Variants in ISLR2 observed in about 807,000 individuals in gnomAD.
ISLR2 encodes immunoglobulin superfamily containing leucine rich repeat 2.
ISLR2 carries 16 observed loss-of-function variants against 25.5 expected under a neutral mutation model. That is an observed-to-expected ratio of 0.63 (90% CI 0.43 to 0.95). The LOEUF is 0.95. ISLR2 is among the 40% of genes least tolerant of loss of function. The pLI, the probability that ISLR2 is intolerant of heterozygous loss-of-function variation, is 0.00. For synonymous variants in ISLR2, 508 were observed against 486.6 expected (o/e 1.04, Z -0.58); for missense variants, 883 against 1,030.7 (o/e 0.86, Z 1.96).
intron 2 of ISLR2, among the ~76,000 whole-genome samples, chr15:74,119,336 A>G (rs1477507499): frequency 6.6e-6 from 1 of 152,090 alleles, no homozygotes; most frequent in Non-Finnish European, 1.5e-5. Flanking sequence ...TCAGCAGCCC[A>G]AGTAGCTGGG....
intron 1 of ISLR2, among the ~76,000 whole-genome samples, chr15:74,102,732 G>C (rs533791065): frequency 6.6e-6 from 1 of 152,022 alleles, no homozygotes; most frequent in South Asian, 2.1e-4. Flanking sequence ...ATATATGTGA[G>C]AATATGTATA....
At chr15:74,106,129 T>C (rs938486731) in intron 2 of ISLR2, among the ~76,000 whole-genome samples, 1 of 152,156 alleles carries the variant, frequency 6.6e-6, no homozygotes, top group Non-Finnish European at 1.5e-5. Context: ...AGTTTGAGGC[T>C]GCAGTGAGCT....
At chr15:74,117,584 G>C (rs2072220803) in intron 2 of ISLR2, among the ~76,000 whole-genome samples, 1 of 152,168 alleles carries the variant, frequency 6.6e-6, no homozygotes, top group South Asian at 2.1e-4. Flanking sequence ...TTGGGAGGCT[G>C]AGGTGGAAAG....
downstream of ISLR2, among the ~76,000 whole-genome samples, chr15:74,140,471 T>C (rs548359527): frequency 4.6e-5 from 7 of 152,182 alleles, no homozygotes; most frequent in South Asian, 2.1e-4. Flanking sequence ...AGACATTCCA[T>C]AGGGAAAAAG....
chr15:74,113,251 G>C (rs2072183807), intron 2 of ISLR2, among the ~76,000 whole-genome samples: 1 of 152,218 alleles, frequency 6.6e-6, no homozygotes, highest in Non-Finnish European at 1.5e-5. Context: ...GTTCCTACCA[G>C]GTCACCGACG....
chr15:74,121,287 T>G (rs2072250638), intron 2 of ISLR2, among the ~76,000 whole-genome samples: 2 of 152,068 alleles, frequency 1.3e-5, no homozygotes, highest in Non-Finnish European at 2.9e-5. Context: ...ATACATCAAG[T>G]TCCCAGCTGA....
At chr15:74,128,014 A>G (rs1315975834), upstream of ISLR2, 1 of 181,512 alleles carries the variant, frequency 5.5e-6, no homozygotes, top group East Asian at 1.9e-4. Flanking sequence ...ACTTCCACAC[A>G]CCTGATTAGT....
In ISLR2 at chr15:74,134,599, T is replaced by C. The variant is rs756568617; in HGVS notation, c.1845T>C (p.His615=). The change falls in exon 3 of 3, where the codon CAT becomes CAC. Residue 615 remains histidine, a synonymous_variant. Transcript: ENST00000453268. The part of the protein sequence containing the change: ...TVPLLGAACC[H]LLAKHPGKPY... ...CCCTTCTGGGCGCCGCCTGCTGCCA[T>C]CTGCTGGCTAAACACCCGGGCAAGC... 25 of 1,613,892 alleles carry C rather than the reference T, an allele frequency of 1.5e-5. No individual in the cohort carries two copies. Among genetic ancestry groups the C allele is most frequent in the Admixed American group, 1.2e-4 (7 of 60,006 alleles).
upstream of ISLR2, among the ~76,000 whole-genome samples, chr15:74,125,314 G>A (rs2141940319): frequency 6.6e-6 from 1 of 152,054 alleles, no homozygotes; most frequent in East Asian, 1.9e-4. Flanking sequence ...CATGGCTTAT[G>A]GCTGCCTCGA....
chr15:74,134,258 C>T lies in ISLR2; in HGVS notation c.1504C>T (p.Leu502=). Residue 502 remains leucine, a synonymous_variant, in exon 3 of 3, where the codon CTG becomes TTG. Transcript: ENST00000453268. ...DVAEREARVQ[L]TPLAARWGPG... ...GGCGGAGCGCGAGGCGCGGGTGCAG[C>T]TGACTCCGCTGGCTGCGCGCTGGGG... is the stretch of plus-strand genomic sequence containing the variant. The T allele has an allele frequency of 1.9e-6, 3 of 1,566,616 alleles. No homozygotes were observed. Among genetic ancestry groups the T allele is most frequent in the Non-Finnish European group, 2.6e-6 (3 of 1,155,794 alleles).
downstream of ISLR2, among the ~76,000 whole-genome samples, chr15:74,141,270 T>C (rs2072609442): frequency 6.6e-6 from 1 of 152,238 alleles, no homozygotes; most frequent in Non-Finnish European, 1.5e-5. Flanking sequence ...TATTCCCTTG[T>C]GTATTAGGAG....
intron 2 of ISLR2, among the ~76,000 whole-genome samples, chr15:74,111,028 T>C (rs1390977738): frequency 6.7e-6 from 1 of 149,594 alleles, no homozygotes. Context: ...TAATCACAGC[T>C]ACTCAGGAGG....
chr15:74,134,354 C>G lies in ISLR2; in HGVS notation c.1600C>G (p.Pro534Ala), dbSNP rs766592289. 1 of 1,594,816 alleles carries G rather than the reference C, an allele frequency of 6.3e-7. No homozygotes were observed. Among genetic ancestry groups the G allele is most frequent in the Admixed American group, 1.8e-5 (1 of 57,002 alleles). ...ACCCCTGCGCCTACTCTATCTGTGT[C>G]CAGCGGGGGGCGGCGCGGCAGTGCA... ...RRPLRLLYLCPAGGGAAVQWS... is the reference protein window; with the variant it reads ...RRPLRLLYLCAAGGGAAVQWS... Residue 534 changes from proline (P) to alanine (A), a missense_variant, in exon 3 of 3, where the codon CCA becomes GCA. Transcript: ENST00000453268.
chr15:74,128,895 A>G (rs925407840), upstream of ISLR2: 1 of 402,416 alleles, frequency 2.5e-6, no homozygotes, highest in Non-Finnish European at 4.9e-6. Flanking sequence ...CAGACAAAGA[A>G]GGGTGTGCTG....
chr15:74,115,752 C>T (rs1358134880), intron 2 of ISLR2, among the ~76,000 whole-genome samples: 2 of 151,876 alleles, frequency 1.3e-5, no homozygotes, highest in South Asian at 2.1e-4. Context: ...AGAAATAAAT[C>T]AATGGAAATA....
rs1178404681 is a variant in ISLR2, at chr15:74,134,302, T to A, written c.1548T>A (p.Ala516=). ...AARWGPGPGG[A]GGAPRPGRRP... ...GCTGGGGCCCTGGGCCCGGCGGGGC[T>A]GGCGGAGCCCCGCGACCCGGGCGGC... The change falls in exon 3 of 3, where the codon GCT becomes GCA. Residue 516 remains alanine (A), a synonymous_variant. Transcript: ENST00000453268. 1 of 1,532,526 alleles carries A rather than the reference T, an allele frequency of 6.5e-7. No homozygotes were observed. Among genetic ancestry groups the A allele is most frequent in the Non-Finnish European group, 8.8e-7 (1 of 1,141,376 alleles). The allele number at this position is 1,532,526 out of a possible 1,614,324, so 94.9% of individuals were successfully genotyped here. A position where few individuals can be genotyped will look rare whatever the true frequency, so the allele number is the denominator to read the frequency against.
At chr15:74,115,603 G>T (rs1026975228) in intron 2 of ISLR2, among the ~76,000 whole-genome samples, 3 of 152,096 alleles carry the variant, frequency 2.0e-5, no homozygotes, top group African/African-American at 7.2e-5. Flanking sequence ...GCTGAGACAC[G>T]AGAATCACTT....
intron 2 of ISLR2, among the ~76,000 whole-genome samples, chr15:74,106,616 A>AG (rs1295097724): frequency 2.6e-5 from 4 of 152,056 alleles, no homozygotes; most frequent in African/African-American, 9.7e-5. Flanking sequence ...ATAAGTGGCC[A>AG]GGGGGGTTCT....
chr15:74,134,089 C>G lies in ISLR2; in HGVS notation c.1335C>G (p.Ala445=). The G allele has an allele frequency of 6.2e-7, 1 of 1,613,582 alleles. No homozygotes were observed. The highest frequency in any genetic ancestry group is 8.5e-7 in the Non-Finnish European group (1 of 1,179,820). Residue 445 remains alanine, a synonymous_variant, in exon 3 of 3, where the codon GCC becomes GCG. Coordinates refer to ENST00000453268, the MANE Select transcript of ISLR2 (RefSeq NM_020851.3). ...AGGACACAAGTGAGGGAGAGGAGGC[C>G]GAAGACCAGATCCTCGCGGACCCGG... ...PEEDTSEGEE[A]EDQILADPAE... is the part of the protein sequence containing the mutation.
Sources: allele counts gnomAD v4.1 joint callset (sites outside exome capture counted in the v4.1 genomes callset), GRCh38; gene constraint gnomAD v4.1.1; transcripts MANE v1.5; gene names NCBI Gene and HGNC (gene_info 2026-07-23, HGNC 2026-07-21).